CNGB3: variants seen among roughly 807,000 people sequenced by gnomAD.
The protein encoded by CNGB3 is cyclic nucleotide gated channel subunit beta 3.
In CNGB3, 86 loss-of-function variants were observed where a neutral mutation model predicts 92.8. The ratio of observed to expected loss-of-function variants is 0.93; its 90% confidence interval spans 0.78 to 1.11. CNGB3 has a LOEUF of 1.11. CNGB3 is among the 50% of genes least tolerant of loss of function. CNGB3 has a pLI of 0.00. For missense variants in CNGB3, 1,026 were observed against 956.8 expected (o/e 1.07, Z -0.95); for synonymous variants, 333 against 332.7 (o/e 1.00, Z -0.01).
chr8:86,733,962 G>A (rs913436369), intron 2 of CNGB3, among the ~76,000 whole-genome samples: 6 of 151,998 alleles, frequency 3.9e-5, no homozygotes, highest in Non-Finnish European at 7.4e-5. Flanking sequence ...CAAACTCCTG[G>A]GCTCAAGTAA....
chr8:86,712,600 A>T (rs1321783750), intron 3 of CNGB3, among the ~76,000 whole-genome samples: 5 of 152,088 alleles, frequency 3.3e-5, no homozygotes, highest in South Asian at 2.1e-4. Flanking sequence ...TTTTATCTGC[A>T]TTTAGATATA....
chr8:86,735,144 C>CATTTTTT (rs1825227148), intron 2 of CNGB3, among the ~76,000 whole-genome samples: 1 of 81,270 alleles, frequency 1.2e-5, no homozygotes, highest in African/African-American at 5.4e-5. Context: ...AAATGGTTGC[C>CATTTTTT]TTTTTTTTTT....
chr8:86,674,585 C>T (rs1823926965), intron 3 of CNGB3, among the ~76,000 whole-genome samples: 1 of 151,964 alleles, frequency 6.6e-6, no homozygotes, highest in African/African-American at 2.4e-5. Flanking sequence ...GAGATAAAAC[C>T]CAAAAGGGAT....
At chr8:86,668,728 G>A (rs1823799255) in intron 4 of CNGB3, among the ~76,000 whole-genome samples, 2 of 151,226 alleles carry the variant, frequency 1.3e-5, no homozygotes, top group Admixed American at 1.3e-4. Flanking sequence ...ACTACTAAAT[G>A]ATGACAAAAT....
chr8:86,694,973 C>G (rs1339168214), intron 3 of CNGB3, among the ~76,000 whole-genome samples: 4 of 152,290 alleles, frequency 2.6e-5, no homozygotes, highest in African/African-American at 4.8e-5. Context: ...TGTAGCGAGC[C>G]GAGATCACGC....
intron 10 of CNGB3, among the ~76,000 whole-genome samples, chr8:86,637,946 T>C (rs917172642): frequency 1.3e-5 from 2 of 152,202 alleles, no homozygotes; most frequent in African/African-American, 4.8e-5. Flanking sequence ...TAAGTTTGCC[T>C]GTTTTAGAAT....
intron 10 of CNGB3, 58 bp downstream of exon 10, chr8:86,643,693 C>A: frequency 6.4e-7 from 1 of 1,565,976 alleles, no homozygotes; most frequent in Non-Finnish European, 8.7e-7. Flanking sequence ...TAAATTCATA[C>A]AATGAAACAG....
intron 3 of CNGB3, among the ~76,000 whole-genome samples, chr8:86,708,490 A>G (rs1230525079): frequency 4.6e-5 from 7 of 151,816 alleles, no homozygotes; most frequent in Non-Finnish European, 4.4e-5. Context: ...GGCATTATTG[A>G]CCTTGGGAAA....
chr8:86,690,045 C>T (rs1824277602), intron 3 of CNGB3, among the ~76,000 whole-genome samples: 1 of 152,152 alleles, frequency 6.6e-6, no homozygotes, highest in African/African-American at 2.4e-5. Flanking sequence ...GTCTTTATAA[C>T]AGCATGATTT....
rs201508378 is a variant in CNGB3 at position 86,645,607 on chromosome 8, C to T, written c.991-921G>A. Among the ~76,000 whole-genome samples, 216 of 151,172 alleles carry T rather than the reference C, an allele frequency of 1.4e-3. 1 individual carries two copies. The highest frequency in any genetic ancestry group is 4.7e-3 in the African/African-American group (194 of 41,376). On this transcript the variant is annotated intron_variant, in intron 8 of 17. Transcript: ENST00000320005. ...TTACTTAGTTCAAAATTTTGCCCAA[C>T]GTAGATATGACTGCAATAGAACGTT... is the stretch of plus-strand genomic sequence containing the variant.
At chr8:86,660,029 C>T (rs1417741951) in intron 6 of CNGB3, 1 of 345,524 alleles carries the variant, frequency 2.9e-6, no homozygotes, top group East Asian at 7.5e-5. Context: ...TGCCGCCATG[C>T]TAGTGAGACT....
chr8:86,669,222 T>C (rs1268492509), intron 4 of CNGB3, among the ~76,000 whole-genome samples: 1 of 151,856 alleles, frequency 6.6e-6, no homozygotes. Flanking sequence ...TTTTACAGTT[T>C]TTAAACTGTC....
intron 3 of CNGB3, among the ~76,000 whole-genome samples, chr8:86,699,169 GT>G (rs1320090546): frequency 2.6e-5 from 4 of 152,062 alleles, no homozygotes; most frequent in African/African-American, 9.7e-5. Context: ...CTGAAAGCAT[GT>G]TTTCAAGATC....
At chr8:86,590,790 C>T (rs1164436036) in intron 15 of CNGB3, among the ~76,000 whole-genome samples, 1 of 148,926 alleles carries the variant, frequency 6.7e-6, no homozygotes, top group Non-Finnish European at 1.5e-5. Context: ...CTTCATTTCA[C>T]CTTTGGTGAA....
At chr8:86,696,961 A>G (rs1824461645) in intron 3 of CNGB3, among the ~76,000 whole-genome samples, 1 of 152,232 alleles carries the variant, frequency 6.6e-6, no homozygotes, top group Non-Finnish European at 1.5e-5. Flanking sequence ...AGCTCAAATC[A>G]AAAAACATGC....
At position 86,670,735 on chromosome 8, in the gene CNGB3, G is replaced by A. The variant is rs142738865; in HGVS notation, c.493+209C>T. The stretch of plus-strand genomic sequence containing the variant: ...TGCCAGGTGTGAGCCACTGCACCCC[G>A]CCAGTAATCCTCTTATTAACCCATC... On this transcript the variant is annotated intron_variant, in intron 4 of 17. Coordinates refer to ENST00000320005, the MANE Select transcript of CNGB3 (RefSeq NM_019098.5). 1.4e-3 allele frequency among the ~76,000 whole-genome samples: 220 copies of A among 152,140 alleles called. No homozygotes were observed. The East Asian group carries it at 0.02, about 14-fold the overall frequency.
intron 8 of CNGB3, among the ~76,000 whole-genome samples, 179 bp from the exon 9 acceptor site, chr8:86,644,865 T>C (rs1192589769): frequency 6.6e-6 from 1 of 151,188 alleles, no homozygotes; most frequent in Non-Finnish European, 1.5e-5. Context: ...TAGCATGGTA[T>C]TATACTTCCA....
chr8:86,630,015 G>A (rs889897905), intron 11 of CNGB3, among the ~76,000 whole-genome samples: 4 of 152,092 alleles, frequency 2.6e-5, no homozygotes, highest in Non-Finnish European at 5.9e-5. Flanking sequence ...ATGGAAAAAC[G>A]ACTCATTCTT....
intron 6 of CNGB3, among the ~76,000 whole-genome samples, chr8:86,662,205 A>G (rs1039499054): frequency 6.6e-6 from 1 of 152,238 alleles, no homozygotes; most frequent in Non-Finnish European, 1.5e-5. Context: ...ATAATTTTAC[A>G]CAGGACAGAT....
Sources: gnomAD v4.1 joint callset for allele counts (sites outside exome capture counted in the v4.1 genomes callset) on GRCh38, gnomAD v4.1.1 for gene constraint, MANE v1.5 for transcripts, NCBI Gene and HGNC (gene_info 2026-07-23, HGNC 2026-07-21) for gene names.